PUM2: variants seen among roughly 807,000 people sequenced by gnomAD.
PUM2 encodes pumilio RNA binding family member 2.
In PUM2, 57 loss-of-function variants were observed where a neutral mutation model predicts 124.5. That is an observed-to-expected ratio of 0.46 (90% CI 0.37 to 0.57). The LOEUF is 0.57. PUM2 is among the 20% of genes least tolerant of loss of function. PUM2 has a pLI of 0.00. For synonymous variants in PUM2, 460 were observed against 446.1 expected (o/e 1.03, Z -0.39); for missense variants, 1,065 against 1,290.6 (o/e 0.83, Z 2.68).
chr2:20,319,983 C>A (rs1681912101), intron 2 of PUM2, among the ~76,000 whole-genome samples: 1 of 152,110 alleles, frequency 6.6e-6, no homozygotes, highest in South Asian at 2.1e-4. Context: ...AAAGAGGGTA[C>A]TGGGCCAGGA....
chr2:20,303,142 CTTG>C (rs1451806905), intron 7 of PUM2, among the ~76,000 whole-genome samples: 3 of 152,178 alleles, frequency 2.0e-5, no homozygotes, highest in African/African-American at 7.2e-5. Flanking sequence ...TTCCTGTCTC[CTTG>C]TTGGTTGACC....
At chr2:20,276,102 G>GAGCT (rs1200718275) in intron 13 of PUM2, among the ~76,000 whole-genome samples, 1 of 151,896 alleles carries the variant, frequency 6.6e-6, no homozygotes, top group East Asian at 1.9e-4. Context: ...ATAAGCAACA[G>GAGCT]AGCTGCAAAT....
At position 20,256,128 on chromosome 2, in the gene PUM2, C is replaced by G; in HGVS notation, c.2527G>C (p.Val843Leu). The change falls in exon 17 of 21, where the codon GTG becomes CTG. Residue 843 changes from valine (V) to leucine (L), a missense_variant. Val to Leu is a conservative substitution (Grantham distance 32, BLOSUM62 1). This residue lies in a region of PUM2 where 968 missense variants were observed against 1,159.8 expected (regional missense o/e 0.83). Transcript: ENST00000361078. ...KELDGHVLKC[V>L]KDQNGNHVVQ... The stretch of plus-strand genomic sequence containing the variant: ...ACATGGTTTCCATTCTGATCTTTCA[C>G]ACATTTGAGCACATGACCATCCAGC... 1 of 1,600,110 alleles carries G rather than the reference C, an allele frequency of 6.2e-7. No individual in the cohort carries two copies. Among genetic ancestry groups the G allele is most frequent in the Non-Finnish European group, 8.5e-7 (1 of 1,175,486 alleles).
chr2:20,293,471 G>T (rs1031572087), intron 9 of PUM2, among the ~76,000 whole-genome samples: 2 of 152,316 alleles, frequency 1.3e-5, no homozygotes, highest in African/African-American at 4.8e-5. Context: ...CACTTTGAAA[G>T]GTCGAGGTGG....
At chr2:20,289,282 A>C (rs1163049078) in intron 10 of PUM2, among the ~76,000 whole-genome samples, 2 of 152,208 alleles carry the variant, frequency 1.3e-5, no homozygotes, top group African/African-American at 4.8e-5. Context: ...CAGGTTCCAC[A>C]GAGAAACTAG....
chr2:20,319,916 G>T (rs565663585), intron 2 of PUM2, among the ~76,000 whole-genome samples: 1 of 152,124 alleles, frequency 6.6e-6, no homozygotes, highest in South Asian at 2.1e-4. Flanking sequence ...CAAATAGAAA[G>T]AACAAGGAGA....
chr2:20,330,213 T>C (rs954385483), intron 1 of PUM2, among the ~76,000 whole-genome samples: 1 of 152,250 alleles, frequency 6.6e-6, no homozygotes, highest in East Asian at 1.9e-4. Flanking sequence ...AATCCAGACT[T>C]TTACACCTGC....
chr2:20,331,639 GA>G (rs1684943746), intron 1 of PUM2: 1 of 147,978 alleles, frequency 6.8e-6, no homozygotes, highest in African/African-American at 2.5e-5. Context: ...AAGAAAGAAA[GA>G]AAAGAAAAGG....
Position 20,297,618 on chromosome 2 carries a change from C to T in PUM2, c.944G>A (p.Ser315Asn). The T allele has an allele frequency of 6.2e-7, 1 of 1,613,260 alleles. No homozygotes were observed. Among genetic ancestry groups the T allele is most frequent in the Non-Finnish European group, 8.5e-7 (1 of 1,179,236 alleles). ...AAFVPNPYII[S>N]AAPPGTDPYT... ...CGGATCGGTCCCTGGAGGAGCAGCA[C>T]TAATAATGTATGGATTTGGCACAAA... The change falls in exon 8 of 21, where the codon AGT (serine) becomes AAT (asparagine). Residue 315 changes from serine (S) to asparagine (N), a missense_variant. This residue lies in a region of PUM2 where 968 missense variants were observed against 1,159.8 expected (regional missense o/e 0.83). Coordinates refer to ENST00000361078, the MANE Select transcript of PUM2 (RefSeq NM_015317.5).
chr2:20,256,105 A>G lies in PUM2; in HGVS notation c.2550T>C (p.His850=). 6.2e-7 allele frequency: 1 copy of G among 1,603,002 alleles called. No individual in the cohort carries two copies. ...LKCVKDQNGN[H]VVQKCIECVQ... ...CACATTCGATACATTTTTGTACAACATGGTTTCCATTCTGATCTTTCACAC... is the reference window on the plus strand; with the variant it reads ...CACATTCGATACATTTTTGTACAACGTGGTTTCCATTCTGATCTTTCACAC... The change falls in exon 17 of 21, where the codon CAT becomes CAC. Residue 850 remains histidine (H), a synonymous_variant. Coordinates refer to ENST00000361078, the MANE Select transcript of PUM2 (RefSeq NM_015317.5).
intron 7 of PUM2, among the ~76,000 whole-genome samples, chr2:20,300,472 G>A (rs1030489831): frequency 2.0e-5 from 3 of 152,146 alleles, no homozygotes; most frequent in African/African-American, 4.8e-5. Flanking sequence ...TAAGAGCACC[G>A]TGGCCAAGGA....
chr2:20,316,812 A>T (rs1201253294), intron 3 of PUM2, among the ~76,000 whole-genome samples: 1 of 152,138 alleles, frequency 6.6e-6, no homozygotes, highest in Non-Finnish European at 1.5e-5. Flanking sequence ...CAGGCAGATC[A>T]CCTGAGGTAA....
chr2:20,345,033 G>A (rs1687970239), intron 1 of PUM2, among the ~76,000 whole-genome samples: 1 of 149,074 alleles, frequency 6.7e-6, no homozygotes, highest in African/African-American at 2.5e-5. Flanking sequence ...TACCTCTTGT[G>A]GAAAGCTTTT....
chr2:20,321,420 C>T (rs1682339622), intron 2 of PUM2, among the ~76,000 whole-genome samples: 1 of 152,138 alleles, frequency 6.6e-6, no homozygotes, highest in Non-Finnish European at 1.5e-5. Flanking sequence ...CCTTCATTTT[C>T]GAACATTTAG....
chr2:20,313,835 C>CAA (rs35569645), intron 3 of PUM2, among the ~76,000 whole-genome samples: 13,024 of 54,808 alleles, frequency 0.24, 1,868 homozygotes, highest in Non-Finnish European at 0.31. Flanking sequence ...GATCCTGTCT[C>CAA]AAAAAAAAAA....
intron 9 of PUM2, among the ~76,000 whole-genome samples, chr2:20,291,861 G>A (rs574948100): frequency 3.3e-5 from 5 of 152,140 alleles, no homozygotes; most frequent in Admixed American, 3.3e-4. Flanking sequence ...CGTTTGCAAC[G>A]CCAACCCAAG....
At chr2:20,335,792 A>G (rs1572991420) in intron 1 of PUM2, among the ~76,000 whole-genome samples, 1 of 152,362 alleles carries the variant, frequency 6.6e-6, no homozygotes, top group Non-Finnish European at 1.5e-5. Flanking sequence ...ATCTCCTTCA[A>G]AGACCCTATT....
chr2:20,323,579 C>T (rs1216083718), intron 2 of PUM2, among the ~76,000 whole-genome samples: 1 of 151,926 alleles, frequency 6.6e-6, no homozygotes, highest in African/African-American at 2.4e-5. Flanking sequence ...CAACATTCAA[C>T]TGATTTCAAA....
At chr2:20,293,775 G>C (rs979534488) in intron 9 of PUM2, among the ~76,000 whole-genome samples, 2 of 151,992 alleles carry the variant, frequency 1.3e-5, no homozygotes, top group Non-Finnish European at 2.9e-5. Flanking sequence ...TAACTGCCAA[G>C]TAAGCAATAC....
Sources: gnomAD v4.1 joint callset for allele counts (sites outside exome capture counted in the v4.1 genomes callset) on GRCh38, gnomAD v4.1.1 for gene constraint, gnomAD v4.1.1 regional missense constraint, MANE v1.5 for transcripts, NCBI Gene and HGNC (gene_info 2026-07-23, HGNC 2026-07-21) for gene names.